Variants in PAG1 observed in about 807,000 individuals in gnomAD.
PAG1 encodes phosphoprotein associated with glycosphingolipid-enriched microdomains 1.
PAG1 carries 23 observed loss-of-function variants against 31.7 expected under a neutral mutation model. The ratio of observed to expected loss-of-function variants is 0.73; its 90% CI spans 0.52 to 1.03. The LOEUF is 1.03. PAG1 is among the 50% of genes least tolerant of loss of function. PAG1 has a pLI of 0.00. For missense variants in PAG1, 473 were observed against 540.7 expected, an observed-to-expected ratio of 0.87 and a Z score of 1.24; for synonymous variants, 214 against 210.3, an observed-to-expected ratio of 1.02 and a Z score of -0.15.
intron 3 of PAG1, among the ~76,000 whole-genome samples, chr8:81,011,165 A>G (rs1432973011): frequency 6.6e-6 from 1 of 152,052 alleles, no homozygotes; most frequent in Non-Finnish European, 1.5e-5. Context: ...CTTCATGAGC[A>G]CAAACTCTAT....
At chr8:81,100,645 C>T (rs1474689189) in intron 1 of PAG1, among the ~76,000 whole-genome samples, 4 of 152,158 alleles carry the variant, frequency 2.6e-5, no homozygotes, top group East Asian at 1.9e-4. Context: ...CGATGGCGGA[C>T]GCATTTCAAA....
At chr8:81,100,921 T>G (rs1016055639) in intron 1 of PAG1, among the ~76,000 whole-genome samples, 4 of 152,216 alleles carry the variant, frequency 2.6e-5, no homozygotes, top group African/African-American at 9.6e-5. Context: ...TAAAACAGGC[T>G]GAAAGAAGCA....
rs910248140 is a variant in PAG1, at chr8:81,040,232, T to C, written c.-174-10143A>G. On this transcript the variant is annotated intron_variant, in intron 2 of 8. Coordinates refer to ENST00000220597, the MANE Select transcript of PAG1 (RefSeq NM_018440.4). ...TGTATATTTCAGAGTTATATTAATA[T>C]ACTTTAGAATTAGAAACAAACTCCA... Among the ~76,000 whole-genome samples the C allele has an allele frequency of 3.3e-5, 5 of 152,194 alleles. No individual in the cohort carries two copies. In the South Asian group the frequency reaches 1.0e-3, roughly 32 times the overall value.
At chr8:81,102,561 T>C (rs1163519908) in intron 1 of PAG1, among the ~76,000 whole-genome samples, 1 of 152,214 alleles carries the variant, frequency 6.6e-6, no homozygotes, top group African/African-American at 2.4e-5. Flanking sequence ...CTCCTAGATA[T>C]TTTTTGTGAA....
intron 3 of PAG1, among the ~76,000 whole-genome samples, chr8:81,005,742 C>T (rs1230967082): frequency 3.9e-5 from 6 of 152,278 alleles, no homozygotes; most frequent in Middle Eastern, 3.4e-3. Context: ...GTCCGTTCAG[C>T]ACACCTGCCC....
rs915613725 is a variant in PAG1, at chr8:80,970,531, A to G, written c.*6013T>C. The G allele has an allele frequency of 1.3e-5, 2 of 152,716 alleles. No individual in the cohort carries two copies. Among genetic ancestry groups the G allele is most frequent in the Admixed American group, 1.3e-4 (2 of 15,274 alleles). The allele number at this position is 152,716 out of a possible 1,614,324, so 9.5% of individuals were successfully genotyped here. A position where few individuals can be genotyped will look rare whatever the true frequency, so the allele number is the denominator to read the frequency against. On this transcript the variant is annotated 3_prime_UTR_variant, in exon 9 of 9. Transcript: ENST00000220597. ...TAAGGATCTACCTTCCACATGCTGGACAGTGGGGGTTGCTGCTTGAGGAGA... is the reference window on the plus strand; with the variant it reads ...TAAGGATCTACCTTCCACATGCTGGGCAGTGGGGGTTGCTGCTTGAGGAGA...
intron 2 of PAG1, among the ~76,000 whole-genome samples, chr8:81,057,579 G>C (rs369544842): frequency 5.2e-5 from 7 of 133,970 alleles, no homozygotes; most frequent in Non-Finnish European, 9.5e-5. Flanking sequence ...GGTCGGGGGA[G>C]GGGGGAGGGA....
intron 3 of PAG1, among the ~76,000 whole-genome samples, chr8:81,027,433 G>A (rs1808300797): frequency 6.6e-6 from 1 of 152,180 alleles, no homozygotes; most frequent in Non-Finnish European, 1.5e-5. Context: ...CACAAGTGGT[G>A]GAGTAAAGGA....
At chr8:81,007,673 T>C (rs13255883) in intron 3 of PAG1, among the ~76,000 whole-genome samples, 5 of 82,866 alleles carry the variant, frequency 6.0e-5, no homozygotes, top group African/African-American at 2.1e-4. Flanking sequence ...ACTTAAAAAA[T>C]AAAACACGGG....
intron 2 of PAG1, among the ~76,000 whole-genome samples, chr8:81,056,970 T>C (rs1808834407): frequency 6.6e-6 from 1 of 152,172 alleles, no homozygotes; most frequent in Non-Finnish European, 1.5e-5. Flanking sequence ...CATGAAAAAG[T>C]GCTCATCATC....
In PAG1 at chr8:81,100,576, C is replaced by G. The variant is rs115969746; in HGVS notation, c.-234+11015G>C. Among the ~76,000 whole-genome samples the G allele has an allele frequency of 9.7e-3, 1,474 of 152,290 alleles. 27 individuals carry two copies. Among genetic ancestry groups the G allele is most frequent in the African/African-American group, 0.032 (1,337 of 41,548 alleles). ...GTCTTCAGACATTGCCAAATGTCCT[C>G]TAGGGGGTTAAGAACCACAGTTCTA... On this transcript the variant is annotated intron_variant, in intron 1 of 8. Coordinates refer to ENST00000220597, the MANE Select transcript of PAG1 (RefSeq NM_018440.4).
intron 3 of PAG1, among the ~76,000 whole-genome samples, chr8:81,009,172 T>A (rs1807937582): frequency 6.6e-6 from 1 of 152,232 alleles, no homozygotes; most frequent in South Asian, 2.1e-4. Flanking sequence ...CTTTCTTTCC[T>A]CTGCCTACAC....
chr8:81,110,749 T>C (rs1809761034), intron 1 of PAG1, among the ~76,000 whole-genome samples: 1 of 152,246 alleles, frequency 6.6e-6, no homozygotes, highest in Admixed American at 6.5e-5. Flanking sequence ...TATAGTGGGT[T>C]GTTCCTCCCA....
intron 1 of PAG1, among the ~76,000 whole-genome samples, chr8:81,077,625 G>GT (rs926622811): frequency 3.4e-4 from 52 of 151,534 alleles, no homozygotes; most frequent in Non-Finnish European, 5.5e-4. Flanking sequence ...CCACAACTAA[G>GT]TTTTTTTTTC....
chr8:80,995,241 C>T (rs1419292080), intron 3 of PAG1, among the ~76,000 whole-genome samples: 1 of 152,238 alleles, frequency 6.6e-6, no homozygotes, highest in Non-Finnish European at 1.5e-5. Flanking sequence ...TTTGAATCAA[C>T]ATGAACGTCT....
In PAG1 at chr8:80,974,226, A is replaced by G. The variant is rs1441962311; in HGVS notation, c.*2318T>C. 1 of 151,256 alleles carries G rather than the reference A, an allele frequency of 6.6e-6. No homozygotes were observed. Among genetic ancestry groups the G allele is most frequent in the Non-Finnish European group, 1.5e-5 (1 of 67,946 alleles). The allele number at this position is 151,256 out of a possible 1,614,324, so 9.4% of individuals were successfully genotyped here. ...GCCTTTTTGATAAGTAAGGCATGAAATGAAACAAAAGTTTTGAGCTGTAAG... is the reference window on the plus strand; with the variant it reads ...GCCTTTTTGATAAGTAAGGCATGAAGTGAAACAAAAGTTTTGAGCTGTAAG... On this transcript the variant is annotated 3_prime_UTR_variant, in exon 9 of 9. Transcript: ENST00000220597.
chr8:81,104,127 A>G (rs561467251), intron 1 of PAG1, among the ~76,000 whole-genome samples: 2 of 152,234 alleles, frequency 1.3e-5, no homozygotes, highest in South Asian at 2.1e-4. Flanking sequence ...ATATTTATTG[A>G]CCAGAACCGG....
At chr8:81,054,415 C>G (rs1338629132) in intron 2 of PAG1, among the ~76,000 whole-genome samples, 1 of 152,174 alleles carries the variant, frequency 6.6e-6, no homozygotes, top group Non-Finnish European at 1.5e-5. Context: ...CAATATTTTC[C>G]TGTAATCCCA....
intron 3 of PAG1, among the ~76,000 whole-genome samples, chr8:81,024,893 C>T (rs1371583399): frequency 6.6e-6 from 1 of 152,112 alleles, no homozygotes; most frequent in Non-Finnish European, 1.5e-5. Flanking sequence ...CTCATTTTAC[C>T]CTCACCAATT....
Sources: allele counts gnomAD v4.1 joint callset (sites outside exome capture counted in the v4.1 genomes callset), GRCh38; gene constraint gnomAD v4.1.1; transcripts MANE v1.5; gene names NCBI Gene and HGNC (gene_info 2026-07-23, HGNC 2026-07-21).